AGAP1: variants seen among roughly 807,000 people sequenced by gnomAD.
AGAP1 encodes ArfGAP with GTPase domain, ankyrin repeat and PH domain 1, also known as arf-GAP with GTPase, ANK repeat and PH domain-containing protein 1.
A neutral mutation model predicts 105.3 loss-of-function variants in AGAP1; 29 were observed. The ratio of observed to expected loss-of-function variants is 0.28; its 90% CI spans 0.21 to 0.38. The LOEUF (loss-of-function observed/expected upper bound fraction) is 0.38. Among genes scored for constraint, AGAP1 ranks in the 10% least tolerant of loss-of-function variants. The pLI, the probability that AGAP1 is intolerant of heterozygous loss-of-function variation, is 1.00. For synonymous variants in AGAP1, 509 were observed against 485.9 expected, an observed-to-expected ratio of 1.05 and a Z score of -0.63; for missense variants, 998 against 1,165.1, an observed-to-expected ratio of 0.86 and a Z score of 2.09.
At chr2:235,923,166 C>G (rs1488135109) in intron 11 of AGAP1, among the ~76,000 whole-genome samples, 2 of 152,110 alleles carry the variant, frequency 1.3e-5, no homozygotes, top group African/African-American at 4.8e-5. Flanking sequence ...CATGGTAACG[C>G]AAATAATATT....
At chr2:235,498,394 A>G (rs931952664) in intron 1 of AGAP1, among the ~76,000 whole-genome samples, 2 of 151,334 alleles carry the variant, frequency 1.3e-5, no homozygotes, top group East Asian at 2.0e-4. Flanking sequence ...GGGATGTCCT[A>G]TGGGGCATGG....
At chr2:235,921,652 CTG>C in intron 11 of AGAP1, among the ~76,000 whole-genome samples, 1 of 152,266 alleles carries the variant, frequency 6.6e-6, no homozygotes, top group South Asian at 2.1e-4. Context: ...GGTCTGAACT[CTG>C]TACTCTGTCT....
At chr2:235,811,591 G>T (rs949425525) in intron 9 of AGAP1, among the ~76,000 whole-genome samples, 3 of 152,192 alleles carry the variant, frequency 2.0e-5, no homozygotes, top group African/African-American at 7.2e-5. Context: ...CCCGTCCCTG[G>T]TTCGTGGTTG....
At chr2:235,880,664 TG>T (rs2049973134) in intron 9 of AGAP1, among the ~76,000 whole-genome samples, 2 of 150,180 alleles carry the variant, frequency 1.3e-5, no homozygotes, top group Non-Finnish European at 1.5e-5. Context: ...CACTTGAACC[TG>T]GGAGGCGGAG....
At chr2:235,568,046 C>A (rs1039437092) in intron 1 of AGAP1, among the ~76,000 whole-genome samples, 4 of 152,066 alleles carry the variant, frequency 2.6e-5, no homozygotes, top group Admixed American at 2.0e-4. Flanking sequence ...GTGACACTGC[C>A]AGTTCCCTTC....
intron 11 of AGAP1, among the ~76,000 whole-genome samples, chr2:235,924,881 G>C (rs562887128): frequency 1.3e-5 from 2 of 152,310 alleles, no homozygotes; most frequent in South Asian, 4.1e-4. Flanking sequence ...GTACCAGTCT[G>C]TTTACTCTGT....
intron 12 of AGAP1, among the ~76,000 whole-genome samples, chr2:235,954,602 T>A (rs922357666): frequency 1.3e-5 from 2 of 150,446 alleles, no homozygotes; most frequent in African/African-American, 4.9e-5. Flanking sequence ...CTGGAAAAGC[T>A]GGGGGCCCTC....
In AGAP1 at chr2:236,105,546, G is replaced by A. The variant is rs1432059649; in HGVS notation, c.2115-14646G>A. ...AGGAGAGAGGAGAGGGGCATCTCTC[G>A]TGTCTTTTTTTTTTTTTTTTTTTTT... is the stretch of plus-strand genomic sequence containing the variant. On this transcript the variant is annotated intron_variant, in intron 16 of 17. Coordinates refer to ENST00000304032, the MANE Select transcript of AGAP1 (RefSeq NM_001037131.3). This position sits in a 1 kb window ranked among gnomAD's most constrained non-coding sequence, Gnocchi z 4.2. Among the ~76,000 whole-genome samples, 4 of 143,518 alleles carry A rather than the reference G, an allele frequency of 2.8e-5. No homozygotes were observed. The highest frequency in any genetic ancestry group is 4.4e-4 in the South Asian group (2 of 4,500). 94.2% of individuals were successfully genotyped at this position (143,518 alleles called of 152,430 possible).
chr2:235,494,876 C>G, intron 1 of AGAP1, 27 bp downstream of exon 1: 2 of 1,545,528 alleles, frequency 1.3e-6, no homozygotes, highest in Non-Finnish European at 1.7e-6. Flanking sequence ...CTTGGGGCCT[C>G]GGGAAGGCAC....
At position 235,622,634 on chromosome 2, in the gene AGAP1, A is replaced by T. The variant is rs1280256897; in HGVS notation, c.164-86545A>T. Among the ~76,000 whole-genome samples the T allele has an allele frequency of 1.3e-5, 2 of 152,058 alleles. No individual in the cohort carries two copies. Among genetic ancestry groups the T allele is most frequent in the Admixed American group, 1.3e-4 (2 of 15,256 alleles). On this transcript the variant is annotated intron_variant, in intron 1 of 17. Transcript: ENST00000304032. The surrounding 1 kb of genome is among the most constrained non-coding windows in gnomAD (Gnocchi z 5.0). Reference sequence around the variant, plus strand: ...GTCGGTTTTGAGAATGCGACCTATGAAATTGGGAGCCCTGGCTGGATCAGA... The same window carrying T: ...GTCGGTTTTGAGAATGCGACCTATGTAATTGGGAGCCCTGGCTGGATCAGA...
At position 235,843,022 on chromosome 2, in the gene AGAP1, C is replaced by A. The variant is rs372555249; in HGVS notation, c.1050+35691C>A. ...AGTTACAGGCGTTAGCTGCCGTGCC[C>A]GGCCCGTGTGAGATTTGATGTGAAG... is the stretch of plus-strand genomic sequence containing the variant. On this transcript the variant is annotated intron_variant, in intron 9 of 17. Transcript: ENST00000304032. This position sits in a 1 kb window ranked among gnomAD's most constrained non-coding sequence, Gnocchi z 5.9. Among the ~76,000 whole-genome samples the A allele has an allele frequency of 6.6e-6, 1 of 152,214 alleles. No homozygotes were observed. The highest frequency in any genetic ancestry group is 2.4e-5 in the African/African-American group (1 of 41,460).
rs1021636737 is a variant in AGAP1, at chr2:235,614,422, G to A, written c.164-94757G>A. On this transcript the variant is annotated intron_variant, in intron 1 of 17. Coordinates refer to ENST00000304032, the MANE Select transcript of AGAP1 (RefSeq NM_001037131.3). This position sits in a 1 kb window ranked among gnomAD's most constrained non-coding sequence, Gnocchi z 4.7. ...TCATCCCAGAGGAGCAGCAGCAAAC[G>A]GCCTGTGATGGGCTGGATGTATTTG... Among the ~76,000 whole-genome samples the A allele has an allele frequency of 6.6e-6, 1 of 152,122 alleles. No individual in the cohort carries two copies. The highest frequency in any genetic ancestry group is 2.4e-5 in the African/African-American group (1 of 41,430).
chr2:235,640,353 TC>T (rs1270410073), intron 1 of AGAP1, among the ~76,000 whole-genome samples: 1 of 152,244 alleles, frequency 6.6e-6, no homozygotes, highest in Non-Finnish European at 1.5e-5. Context: ...AAGGTGCTGT[TC>T]CTTCCAGCAG....
intron 1 of AGAP1, among the ~76,000 whole-genome samples, chr2:235,518,997 A>C (rs1402214225): frequency 6.6e-6 from 1 of 152,234 alleles, no homozygotes; most frequent in Non-Finnish European, 1.5e-5. Context: ...AGCAGACCTC[A>C]ACATTATCTG....
intron 1 of AGAP1, among the ~76,000 whole-genome samples, chr2:235,616,227 G>T (rs141383998): frequency 0.016 from 2,381 of 151,814 alleles, 55 homozygotes; most frequent in East Asian, 0.084. Flanking sequence ...TGGGTGTGGT[G>T]ACGTGCACCT....
In AGAP1 at chr2:235,865,570, G is replaced by A. The variant is rs1477946718; in HGVS notation, c.1051-17775G>A. 6.6e-6 allele frequency among the ~76,000 whole-genome samples: 1 copy of A among 152,098 alleles called. No individual in the cohort carries two copies. Among genetic ancestry groups the A allele is most frequent in the Non-Finnish European group, 1.5e-5 (1 of 68,024 alleles). ...GGGAGCTGGTTAAAGATCCAGAATC[G>A]GCCCCTCGCCCCTTTGCCCCTCCCC... On this transcript the variant is annotated intron_variant, in intron 9 of 17. Coordinates refer to ENST00000304032, the MANE Select transcript of AGAP1 (RefSeq NM_001037131.3). This position sits in a 1 kb window ranked among gnomAD's most constrained non-coding sequence, Gnocchi z 6.2.
intron 1 of AGAP1, among the ~76,000 whole-genome samples, chr2:235,613,606 C>T (rs2043595427): frequency 6.6e-6 from 1 of 152,120 alleles, no homozygotes; most frequent in African/African-American, 2.4e-5. Flanking sequence ...CTCCCTTTAT[C>T]TCCCCATTCT....
At position 236,131,679 on chromosome 2, in the gene AGAP1, G is replaced by T. The variant is rs1213293154; in HGVS notation, c.*7557G>T. ...TATTTTCCTGCCTTGGGATTTTTTT[G>T]TGTCCGCTGTACAGTATTCTAAGGG... On this transcript the variant is annotated 3_prime_UTR_variant, in exon 18 of 18. Coordinates refer to ENST00000304032, the MANE Select transcript of AGAP1 (RefSeq NM_001037131.3). This position sits in a 1 kb window ranked among gnomAD's most constrained non-coding sequence, Gnocchi z 5.9. The T allele has an allele frequency of 6.6e-6, 1 of 151,822 alleles. No homozygotes were observed. Among genetic ancestry groups the T allele is most frequent in the Non-Finnish European group, 1.5e-5 (1 of 67,962 alleles). The allele number at this position is 151,822 out of a possible 1,614,324, so 9.4% of individuals were successfully genotyped here.
intron 6 of AGAP1, among the ~76,000 whole-genome samples, chr2:235,782,560 G>C (rs1278112844): frequency 6.6e-6 from 1 of 151,616 alleles, no homozygotes; most frequent in Non-Finnish European, 1.5e-5. Flanking sequence ...GCACAGATCT[G>C]AGTTCTTTTT....
Sources: gnomAD v4.1 joint callset for allele counts (sites outside exome capture counted in the v4.1 genomes callset) on GRCh38, gnomAD v4.1.1 for gene constraint, Gnocchi (gnomAD v3.1) non-coding constraint, MANE v1.5 for transcripts, NCBI Gene and HGNC (gene_info 2026-07-23, HGNC 2026-07-21) for gene names.